The following PASD1 variants were observed in gnomAD, a reference collection of about 807,000 sequenced individuals.
PASD1 encodes the protein PAS domain containing repressor 1.
In PASD1, 13 loss-of-function variants were observed where a neutral mutation model predicts 58.8. The ratio of observed to expected loss-of-function variants is 0.22; its 90% CI spans 0.14 to 0.35. PASD1 has a LOEUF of 0.35. Among genes scored for constraint, PASD1 ranks in the 10% least tolerant of loss-of-function variants. PASD1 has a pLI of 1.00. For missense variants in PASD1, 734 were observed against 568.3 expected, an observed-to-expected ratio of 1.29 and a Z score of -2.96; for synonymous variants, 236 against 216.7, an observed-to-expected ratio of 1.09 and a Z score of -0.78.
intron 1 of PASD1, among the ~76,000 whole-genome samples, chrX:151,576,156 T>C (rs1481726421): frequency 9.1e-6 from 1 of 110,417 alleles, no homozygotes; most frequent in Non-Finnish European, 1.9e-5. Flanking sequence ...ATGTGAGCCA[T>C]GGCGCTCAGT....
chrX:151,572,245 T>A (rs980653219), intron 1 of PASD1, among the ~76,000 whole-genome samples: 1 of 111,500 alleles, frequency 9.0e-6, no homozygotes, highest in Admixed American at 9.6e-5. Flanking sequence ...TTAGGTCCTT[T>A]TGATTTACAA....
At chrX:151,598,634 CACTT>C (rs2013353693) in intron 1 of PASD1, among the ~76,000 whole-genome samples, 1 of 111,451 alleles carries the variant, frequency 9.0e-6, no homozygotes, top group African/African-American at 3.3e-5. Context: ...AGCTCTGTTC[CACTT>C]ACTAATTTCC....
intron 9 of PASD1, among the ~76,000 whole-genome samples, chrX:151,651,980 C>G (rs941744952): frequency 1.8e-5 from 2 of 111,973 alleles, no homozygotes; most frequent in Admixed American, 9.5e-5. Context: ...TGCATGGTTT[C>G]CCTTTTGTTC....
At chrX:151,589,005 A>G (rs771488429) in intron 1 of PASD1, among the ~76,000 whole-genome samples, 1 of 110,693 alleles carries the variant, frequency 9.0e-6, no homozygotes, top group South Asian at 3.9e-4. Flanking sequence ...CACTTAGTCA[A>G]TCTTTACATC....
At chrX:151,579,570 A>G (rs1029507790) in intron 1 of PASD1, among the ~76,000 whole-genome samples, 1 of 112,070 alleles carries the variant, frequency 8.9e-6, no homozygotes, top group African/African-American at 3.2e-5. Flanking sequence ...AGAGTAATGT[A>G]ATCTTGACTC....
At chrX:151,587,481 G>GC (rs2013183721) in intron 1 of PASD1, among the ~76,000 whole-genome samples, 1 of 111,587 alleles carries the variant, frequency 9.0e-6, no homozygotes, top group Non-Finnish European at 1.9e-5. Flanking sequence ...ATGCACCTGT[G>GC]CTCAGAATGC....
chrX:151,622,860 A>G (rs2013733245), intron 6 of PASD1, 77 bp from the exon 7 acceptor site: 1 of 1,060,156 alleles, frequency 9.4e-7, no homozygotes, highest in Non-Finnish European at 1.3e-6. Context: ...CAAACAGCAC[A>G]TGGATGTGTC....
chrX:151,623,352 G>T (rs761939471), intron 7 of PASD1, among the ~76,000 whole-genome samples: 14 of 111,954 alleles, frequency 1.3e-4, no homozygotes, highest in Non-Finnish European at 2.1e-4. Flanking sequence ...TGGAACACAT[G>T]AAGAGAAATG....
intron 10 of PASD1, among the ~76,000 whole-genome samples, chrX:151,660,103 C>T (rs182904398): frequency 8.8e-4 from 99 of 111,920 alleles, no homozygotes; most frequent in African/African-American, 3.1e-3. Flanking sequence ...GAAGGAATAG[C>T]GTTTTATCTT....
rs151282352 is a variant in PASD1, at chrX:151,615,709, A to G, written c.207+3956A>G. Among the ~76,000 whole-genome samples, 802 of 112,097 alleles carry G rather than the reference A, an allele frequency of 7.2e-3. 13 individuals are homozygous for G. The highest frequency in any genetic ancestry group is 0.025 in the African/African-American group (773 of 30,897). Reference sequence around the variant, plus strand: ...ATTACATATCAGGGCACCTCTGTCTATGGAGCAACTCCAAACTAATAGCAT... The same window carrying G: ...ATTACATATCAGGGCACCTCTGTCTGTGGAGCAACTCCAAACTAATAGCAT... On this transcript the variant is annotated intron_variant, in intron 4 of 15. Coordinates refer to ENST00000370357, the MANE Select transcript of PASD1 (RefSeq NM_173493.3).
chrX:151,588,217 G>A (rs2013196057), intron 1 of PASD1, among the ~76,000 whole-genome samples: 1 of 111,947 alleles, frequency 8.9e-6, no homozygotes, highest in African/African-American at 3.2e-5. Flanking sequence ...GTGTGTACGT[G>A]TCTCTCTCTA....
At chrX:151,603,621 C>G (rs767276366) in intron 2 of PASD1, among the ~76,000 whole-genome samples, 1 of 111,024 alleles carries the variant, frequency 9.0e-6, no homozygotes, top group East Asian at 2.9e-4. Context: ...AGTTTCCAAG[C>G]TGGGACAGTG....
intron 9 of PASD1, among the ~76,000 whole-genome samples, chrX:151,657,385 G>T (rs1377728268): frequency 8.9e-6 from 1 of 111,923 alleles, no homozygotes; most frequent in African/African-American, 3.3e-5. Context: ...AAATGAGTTA[G>T]GGAGGATTCC....
chrX:151,619,229 C>G (rs757446224), intron 4 of PASD1, among the ~76,000 whole-genome samples: 1 of 111,552 alleles, frequency 9.0e-6, no homozygotes, highest in South Asian at 3.8e-4. Flanking sequence ...AAAGGCAAGT[C>G]AAGGACAAGT....
At chrX:151,605,936 T>G (rs749266309) in intron 3 of PASD1, among the ~76,000 whole-genome samples, 10 of 112,230 alleles carry the variant, frequency 8.9e-5, no homozygotes, top group African/African-American at 1.6e-4. Context: ...TACACAAATA[T>G]TTGCTAAATA....
intron 13 of PASD1, 72 bp from the exon 14 acceptor site, chrX:151,672,111 G>A: frequency 9.0e-7 from 1 of 1,108,333 alleles, no homozygotes; most frequent in Non-Finnish European, 1.2e-6. Context: ...GAATTGAATG[G>A]GAGTGTTAAA....
chrX:151,652,532 CAA>C (rs68106404), intron 9 of PASD1, among the ~76,000 whole-genome samples: 24 of 69,181 alleles, frequency 3.5e-4, no homozygotes, highest in South Asian at 7.8e-4. Context: ...GACTCCGTCT[CAA>C]AAAAAAAAAA....
intron 8 of PASD1, among the ~76,000 whole-genome samples, chrX:151,643,433 C>A (rs184839800): frequency 9.0e-6 from 1 of 111,105 alleles, no homozygotes; most frequent in East Asian, 2.8e-4. Context: ...TGTGAATATA[C>A]AGTGATGGAA....
intron 8 of PASD1, among the ~76,000 whole-genome samples, chrX:151,632,396 C>T (rs1049602679): frequency 2.7e-5 from 3 of 110,906 alleles, no homozygotes; most frequent in African/African-American, 6.6e-5. Context: ...ATGGCAGAAG[C>T]ATATGTTTGA....
Sources: allele counts gnomAD v4.1 joint callset (sites outside exome capture counted in the v4.1 genomes callset), GRCh38; gene constraint gnomAD v4.1.1; transcripts MANE v1.5; gene names NCBI Gene and HGNC (gene_info 2026-07-23, HGNC 2026-07-21).